Variants in COL25A1 observed in about 807,000 individuals in gnomAD.
The protein encoded by COL25A1 is collagen type XXV alpha 1 chain.
Under a neutral mutation model 128.4 loss-of-function variants are expected in COL25A1, and 103 were observed. That is an observed-to-expected ratio of 0.80 (90% CI 0.68 to 0.94). The LOEUF is 0.94. Among genes scored for constraint, COL25A1 ranks in the 40% least tolerant of loss-of-function variants. The pLI, the probability that COL25A1 is intolerant of heterozygous loss-of-function variation, is 0.00. For missense variants in COL25A1, 745 were observed against 840.0 expected, an observed-to-expected ratio of 0.89 and a Z score of 1.40; for synonymous variants, 279 against 277.2, an observed-to-expected ratio of 1.01 and a Z score of -0.06.
At chr4:109,149,634 A>G (rs986104628) in intron 3 of COL25A1, among the ~76,000 whole-genome samples, 12 of 152,246 alleles carry the variant, frequency 7.9e-5, no homozygotes, top group African/African-American at 2.7e-4. Context: ...TCTACAAAAC[A>G]CAACAAATCA....
At chr4:109,102,202 A>C (rs1489005210) in intron 3 of COL25A1, among the ~76,000 whole-genome samples, 1 of 152,148 alleles carries the variant, frequency 6.6e-6, no homozygotes, top group Admixed American at 6.5e-5. Flanking sequence ...TACATGTAAA[A>C]TATAATGTAT....
chr4:109,102,683 T>C (rs1042146765), intron 3 of COL25A1, among the ~76,000 whole-genome samples: 2 of 152,206 alleles, frequency 1.3e-5, no homozygotes, highest in African/African-American at 4.8e-5. Context: ...AGCTCTGTTA[T>C]TAGTTACATA....
At chr4:109,202,820 GATA>G (rs1356121125) in intron 3 of COL25A1, among the ~76,000 whole-genome samples, 10 of 152,146 alleles carry the variant, frequency 6.6e-5, no homozygotes, top group African/African-American at 2.2e-4. Context: ...GCTATATGGA[GATA>G]ATAATACTTT....
intron 8 of COL25A1, among the ~76,000 whole-genome samples, chr4:108,949,980 A>G (rs997889059): frequency 6.6e-6 from 1 of 152,252 alleles, no homozygotes; most frequent in African/African-American, 2.4e-5. Context: ...ACTTTATACC[A>G]GGCTTTACGG....
rs375938667 is a variant in COL25A1 at position 109,074,799 on chromosome 4, G to A, written c.368-24620C>T. Among the ~76,000 whole-genome samples the A allele has an allele frequency of 5.9e-5, 9 of 152,106 alleles. No homozygotes were observed. In the East Asian group the frequency reaches 9.6e-4, roughly 16 times the overall value. ...TGTTTCATTTAAGAAAACTAAGCTT[G>A]TTTTAGCAAATTTTTAGTTACTAGA... On this transcript the variant is annotated intron_variant, in intron 3 of 37. Transcript: ENST00000399132.
At chr4:109,245,338 C>G (rs931524053) in intron 3 of COL25A1, among the ~76,000 whole-genome samples, 2 of 152,122 alleles carry the variant, frequency 1.3e-5, no homozygotes, top group Non-Finnish European at 2.9e-5. Flanking sequence ...AGGTAATTAA[C>G]TGGTATGAAG....
At chr4:109,047,548 T>C (rs1760552643) in intron 5 of COL25A1, among the ~76,000 whole-genome samples, 2 of 152,044 alleles carry the variant, frequency 1.3e-5, no homozygotes. Context: ...AGGTGATGGG[T>C]ACACCAAAAT....
chr4:108,965,382 G>T (rs1751175671), intron 8 of COL25A1, among the ~76,000 whole-genome samples: 1 of 152,136 alleles, frequency 6.6e-6, no homozygotes, highest in South Asian at 2.1e-4. Context: ...TATTTGGCAA[G>T]GTGATAGTAA....
At chr4:108,818,882 G>GA (rs1731500283) in intron 36 of COL25A1, among the ~76,000 whole-genome samples, 1 of 149,588 alleles carries the variant, frequency 6.7e-6, no homozygotes, top group Non-Finnish European at 1.5e-5. Context: ...TAGAGAAAAA[G>GA]AAAAAAAGTC....
chr4:109,250,677 G>A (rs1332474550), intron 3 of COL25A1, among the ~76,000 whole-genome samples: 2 of 152,146 alleles, frequency 1.3e-5, no homozygotes, highest in Non-Finnish European at 2.9e-5. Context: ...CAGTGGCTTG[G>A]AAGAGGTTTT....
intron 8 of COL25A1, among the ~76,000 whole-genome samples, chr4:108,945,180 A>T (rs1277187749): frequency 6.6e-6 from 1 of 152,228 alleles, no homozygotes; most frequent in Non-Finnish European, 1.5e-5. Flanking sequence ...TTATTATGTA[A>T]AGCAAACATC....
intron 37 of COL25A1, among the ~76,000 whole-genome samples, chr4:108,815,547 T>A (rs1261171320): frequency 6.6e-6 from 1 of 152,114 alleles, no homozygotes; most frequent in Non-Finnish European, 1.5e-5. Context: ...TAAACAATAC[T>A]AAACTTTCAT....
intron 5 of COL25A1, among the ~76,000 whole-genome samples, chr4:109,028,157 C>T (rs1758492715): frequency 1.3e-5 from 2 of 152,216 alleles, no homozygotes; most frequent in Non-Finnish European, 2.9e-5. Flanking sequence ...CAGAGTCTCA[C>T]TTTGTCACCC....
At chr4:109,131,808 G>A (rs1351727647) in intron 3 of COL25A1, among the ~76,000 whole-genome samples, 1 of 152,182 alleles carries the variant, frequency 6.6e-6, no homozygotes, top group Non-Finnish European at 1.5e-5. Flanking sequence ...CAGTGGCAGT[G>A]CATTGTGAGA....
chr4:109,058,177 T>A (rs1441614127), intron 3 of COL25A1, among the ~76,000 whole-genome samples: 1 of 152,206 alleles, frequency 6.6e-6, no homozygotes, highest in East Asian at 1.9e-4. Context: ...GTGGCACAGT[T>A]GTTATTTCTA....
chr4:109,224,252 C>A (rs1369521592), intron 3 of COL25A1, among the ~76,000 whole-genome samples: 1 of 151,974 alleles, frequency 6.6e-6, no homozygotes, highest in African/African-American at 2.4e-5. Flanking sequence ...TTTGATCAAC[C>A]AGGTTCTGAA....
chr4:109,107,185 A>G (rs1766521989), intron 3 of COL25A1, among the ~76,000 whole-genome samples: 1 of 152,188 alleles, frequency 6.6e-6, no homozygotes, highest in Non-Finnish European at 1.5e-5. Context: ...ACAAAAAGTA[A>G]TATTAAAGAA....
Position 109,300,670 on chromosome 4 carries a change from T to A in COL25A1, c.298-18A>T, listed in dbSNP as rs779844920. On this transcript the variant is annotated intron_variant, in intron 2 of 37. Transcript: ENST00000399132. ...TAGGATTTCTGTAGGAAAAGAAGAG[T>A]TATTAATAATCATCAGTAGCACTGT... The A allele has an allele frequency of 1.9e-6, 3 of 1,564,456 alleles. No homozygotes were observed. The highest frequency in any genetic ancestry group is 2.6e-6 in the Non-Finnish European group (3 of 1,134,894).
At chr4:109,143,268 TG>T (rs775772731) in intron 3 of COL25A1, among the ~76,000 whole-genome samples, 43 of 152,242 alleles carry the variant, frequency 2.8e-4, no homozygotes, top group Non-Finnish European at 5.7e-4. Flanking sequence ...TTCTGCAGAG[TG>T]ATCTGCTGTT....
Sources: gnomAD v4.1 joint callset for allele counts (sites outside exome capture counted in the v4.1 genomes callset) on GRCh38, gnomAD v4.1.1 for gene constraint, MANE v1.5 for transcripts, NCBI Gene and HGNC (gene_info 2026-07-23, HGNC 2026-07-21) for gene names.